Variants in SYNE1 observed in about 807,000 individuals in gnomAD.
SYNE1 encodes nesprin-1.
In SYNE1, 616 loss-of-function variants were observed where a neutral mutation model predicts 1,111.0. That is an observed-to-expected ratio of 0.55 (90% CI 0.52 to 0.59). SYNE1 has a LOEUF of 0.59. Ranked by LOEUF, SYNE1 falls within the 20% of genes least tolerant of loss-of-function variation. The pLI is 0.00. For synonymous variants in SYNE1, 3,855 were observed against 3,825.8 expected (o/e 1.01, Z -0.28); for missense variants, 10,006 against 10,417.0 (o/e 0.96, Z 1.72).
chr6:152,152,041 C>T lies in SYNE1; in HGVS notation c.24230G>A (p.Ser8077Asn), dbSNP rs1264894518. The T allele has an allele frequency of 1.2e-6, 2 of 1,614,196 alleles. No homozygotes were observed. The highest frequency in any genetic ancestry group is 1.3e-5 in the African/African-American group (1 of 75,040). The change falls in exon 134 of 146, where the codon AGC becomes AAC. Residue 8077 changes from serine to asparagine, a missense_variant. By Grantham distance (46) the Ser-to-Asn change is conservative. This residue lies in a region of SYNE1 where 2,182 missense variants were observed against 2,287.8 expected (regional missense o/e 0.95). Transcript: ENST00000367255. ...GCCTTCGTGAACCATCTGTTTGAGG[C>T]TACATGCTGAATCAGTGCGGTTCTC... ...ARENRTDSAC[S>N]LKQMVHEGNQ...
Position 152,239,637 on chromosome 6 carries a change from C to A in SYNE1, c.19963G>T (p.Ala6655Ser). ...TGGAACTGGGTTTCCTTTTGGACTG[C>A]AAAGCTGATTATCTTTCTGAAGAGT... ...ETLFRKIISF[A>S]VQKETQFHTE... is the part of the protein sequence containing the mutation. Residue 6655 changes from alanine (A) to serine (S), a missense_variant, in exon 108 of 146, where the codon GCA (alanine) becomes TCA (serine). By Grantham distance (99) the Ala-to-Ser change is moderately conservative. Coordinates refer to ENST00000367255, the MANE Select transcript of SYNE1 (RefSeq NM_182961.4). The A allele has an allele frequency of 6.2e-7, 1 of 1,614,144 alleles. No homozygotes were observed.
At chr6:152,488,604 G>A (rs1332441096) in intron 11 of SYNE1, 101 bp from the exon 12 acceptor site, 2 of 694,072 alleles carry the variant, frequency 2.9e-6, no homozygotes, top group Admixed American at 2.5e-5. Context: ...TATTTAGTAA[G>A]TCCCAACTGT....
intron 4 of SYNE1, among the ~76,000 whole-genome samples, chr6:152,535,225 G>T (rs369033196): frequency 6.6e-6 from 1 of 152,186 alleles, no homozygotes; most frequent in Non-Finnish European, 1.5e-5. Flanking sequence ...CCTGGCCTTC[G>T]AGTCTCCAGA....
chr6:152,552,759 G>A (rs2099351691), intron 3 of SYNE1, among the ~76,000 whole-genome samples: 1 of 152,114 alleles, frequency 6.6e-6, no homozygotes, highest in East Asian at 1.9e-4. Context: ...TGCACTCAGT[G>A]GTTAATCCTG....
At chr6:152,307,760 C>T (rs1486898584) in intron 91 of SYNE1, among the ~76,000 whole-genome samples, 1 of 152,140 alleles carries the variant, frequency 6.6e-6, no homozygotes, top group African/African-American at 2.4e-5. Flanking sequence ...ACAACCTGGA[C>T]CATCCTCTGA....
intron 115 of SYNE1, among the ~76,000 whole-genome samples, chr6:152,227,880 C>T (rs2081959933): frequency 6.6e-6 from 1 of 152,062 alleles, no homozygotes; most frequent in Non-Finnish European, 1.5e-5. Context: ...GTTTCCCTTG[C>T]TTTCAATAAT....
At chr6:152,492,824 C>A (rs769075689) in intron 11 of SYNE1, among the ~76,000 whole-genome samples, 26 of 152,314 alleles carry the variant, frequency 1.7e-4, no homozygotes, top group South Asian at 6.2e-4. Context: ...TTTCAAGGGC[C>A]TGTTTACCTT....
At chr6:152,564,807 T>A (rs958324214) in intron 3 of SYNE1, among the ~76,000 whole-genome samples, 6 of 152,174 alleles carry the variant, frequency 3.9e-5, no homozygotes, top group African/African-American at 1.4e-4. Context: ...GATCCCAGCA[T>A]CATCATTTAC....
intron 3 of SYNE1, among the ~76,000 whole-genome samples, chr6:152,541,485 A>G (rs1260595423): frequency 3.9e-5 from 6 of 152,114 alleles, no homozygotes; most frequent in Non-Finnish European, 7.4e-5. Context: ...GTGGCGGCTC[A>G]TGCCTGTAAT....
chr6:152,316,876 C>A lies in SYNE1; in HGVS notation c.16683G>T (p.Gln5561His), dbSNP rs754119947. 5 of 1,614,032 alleles carry A rather than the reference C, an allele frequency of 3.1e-6. No homozygotes were observed. In the African/African-American group the frequency reaches 6.7e-5, roughly 22 times the overall value. Residue 5561 changes from glutamine (Q) to histidine (H), a missense_variant, in exon 87 of 146, where the codon CAG becomes CAT. Around this residue, in one of 7 missense-constraint regions of SYNE1, gnomAD observed 4,955 missense variants for 5,017.2 expected, o/e 0.99. Coordinates refer to ENST00000367255, the MANE Select transcript of SYNE1 (RefSeq NM_182961.4). ...GATGCAAAATATATTGTTCCCGAAG[C>A]TGGCTTGCAGAATTCCATGCAATAG... is the stretch of plus-strand genomic sequence containing the variant. ...HGTIAWNSASQLREQYILHQT... is the reference protein window; with the variant it reads ...HGTIAWNSASHLREQYILHQT...
chr6:152,485,158 C>A (rs2098932596), intron 12 of SYNE1, among the ~76,000 whole-genome samples, 186 bp from the exon 13 acceptor site: 1 of 152,192 alleles, frequency 6.6e-6, no homozygotes, highest in African/African-American at 2.4e-5. Flanking sequence ...TAGCTTGACC[C>A]TGTGCTAAGT....
chr6:152,215,507 C>T (rs902476867), intron 121 of SYNE1, among the ~76,000 whole-genome samples: 12 of 152,052 alleles, frequency 7.9e-5, no homozygotes, highest in African/African-American at 2.7e-4. Context: ...TTTATTTACT[C>T]ATAGGCAATT....
intron 18 of SYNE1, 51 bp from the exon 19 acceptor site, chr6:152,463,568 G>C: frequency 1.3e-5 from 18 of 1,435,746 alleles, no homozygotes; most frequent in African/African-American, 1.4e-5. Context: ...AAATATCAGT[G>C]ACTGATATGA....
Position 152,182,458 on chromosome 6 carries a change from G to A in SYNE1, c.23302-2164C>T, listed in dbSNP as rs536308189. ...AAAACATTTCCGACACAGAAAAGCT[G>A]AAGGAATTGGATGGTAAGCACTCAT... On this transcript the variant is annotated intron_variant, in intron 128 of 145. Coordinates refer to ENST00000367255, the MANE Select transcript of SYNE1 (RefSeq NM_182961.4). 5.2e-4 allele frequency among the ~76,000 whole-genome samples: 79 copies of A among 152,278 alleles called. 2 individuals are homozygous for A. The South Asian group carries it at 0.015, about 28-fold the overall frequency.
Position 152,209,621 on chromosome 6 carries a change from G to A in SYNE1, c.22590-1415C>T, listed in dbSNP as rs1010688491. On this transcript the variant is annotated intron_variant, in intron 124 of 145. Coordinates refer to ENST00000367255, the MANE Select transcript of SYNE1 (RefSeq NM_182961.4). ...AAAAATTAGCCGGGCGTGGTGGTGC[G>A]TGCCTGTATTCCCAGCTACTTGGGA... Among the ~76,000 whole-genome samples, 13 of 152,076 alleles carry A rather than the reference G, an allele frequency of 8.5e-5. 1 individual carries two copies. The highest frequency in any genetic ancestry group is 1.9e-4 in the East Asian group (1 of 5,164).
intron 112 of SYNE1, among the ~76,000 whole-genome samples, 165 bp downstream of exon 112, chr6:152,233,616 C>A (rs569515580): frequency 7.2e-5 from 11 of 152,294 alleles, no homozygotes; most frequent in Middle Eastern, 3.4e-3. Flanking sequence ...CGAGCCACCG[C>A]GCCCGGCCAG....
chr6:152,565,666 G>GT (rs940263938), intron 3 of SYNE1, among the ~76,000 whole-genome samples: 7 of 143,708 alleles, frequency 4.9e-5, no homozygotes, highest in Non-Finnish European at 1.1e-4. Context: ...CCCTGCTGAA[G>GT]TTTAAAAAAA....
intron 87 of SYNE1, among the ~76,000 whole-genome samples, chr6:152,314,203 A>C (rs1441358030): frequency 2.0e-5 from 3 of 152,238 alleles, no homozygotes; most frequent in Non-Finnish European, 4.4e-5. Flanking sequence ...TTGCAGGCAG[A>C]ATATCAGTTT....
intron 98 of SYNE1, 114 bp from the exon 99 acceptor site, chr6:152,269,400 G>A (rs1160398491): frequency 1.8e-5 from 28 of 1,529,684 alleles, no homozygotes; most frequent in Non-Finnish European, 2.3e-5. Flanking sequence ...TGGCTCCACT[G>A]GGATGTGAAA....
Sources: gnomAD v4.1 joint callset for allele counts (sites outside exome capture counted in the v4.1 genomes callset) on GRCh38, gnomAD v4.1.1 for gene constraint, gnomAD v4.1.1 regional missense constraint, MANE v1.5 for transcripts, NCBI Gene and HGNC (gene_info 2026-07-23, HGNC 2026-07-21) for gene names.